The following MCEMP1 variants were observed in gnomAD, a reference collection of about 807,000 sequenced individuals.
MCEMP1 encodes the protein mast cell expressed membrane protein 1, also known as mast cell-expressed membrane protein 1.
A neutral mutation model predicts 27.9 loss-of-function variants in MCEMP1; 17 were observed. The observed-to-expected ratio is 0.61, with a 90% CI of 0.42 to 0.91. The LOEUF (loss-of-function observed/expected upper bound fraction) is 0.91, where lower values mean the gene tolerates loss of function less well. Among genes scored for constraint, MCEMP1 ranks in the 40% least tolerant of loss-of-function variants. The pLI, the probability that MCEMP1 is intolerant of heterozygous loss-of-function variation, is 0.00. For missense variants in MCEMP1, 200 were observed against 204.8 expected (o/e 0.98, Z 0.14); for synonymous variants, 88 against 76.9 (o/e 1.14, Z -0.76).
chr19:7,677,260 A>G lies in MCEMP1; in HGVS notation c.55+85A>G, dbSNP rs2032563456. ...TTTTGCTCATGTCTGTAATCCTAGC[A>G]CTTTGGGAGGCTGAGGCGGGAGGAT... On this transcript the variant is annotated intron_variant, in intron 1 of 6. Coordinates refer to ENST00000333598, the MANE Select transcript of MCEMP1 (RefSeq NM_174918.3). The surrounding 1 kb of genome is among the most constrained non-coding windows in gnomAD (Gnocchi z 4.6). 12 of 1,249,082 alleles carry G rather than the reference A, an allele frequency of 9.6e-6. No homozygotes were observed. The South Asian group carries it at 1.6e-4, about 16-fold the overall frequency. 77.4% of individuals were successfully genotyped at this position (1,249,082 alleles called of 1,614,324 possible). A position where few individuals can be genotyped will look rare whatever the true frequency, so the allele number is the denominator to read the frequency against.
At position 7,677,740 on chromosome 19, in the gene MCEMP1, C is replaced by T. The variant is rs374574273; in HGVS notation, c.145+14C>T. 8.2e-6 allele frequency: 13 copies of T among 1,584,394 alleles called. No individual in the cohort carries two copies. The African/African-American group carries it at 1.6e-4, about 20-fold the overall frequency. ...CCACGAGCCAAGGTGAGCAGACACCCACCTGCTCACATCCCATCACCTTGG... is the reference window on the plus strand; with the variant it reads ...CCACGAGCCAAGGTGAGCAGACACCTACCTGCTCACATCCCATCACCTTGG... On this transcript the variant is annotated intron_variant, in intron 2 of 6. Transcript: ENST00000333598. The surrounding 1 kb of genome is among the most constrained non-coding windows in gnomAD (Gnocchi z 4.6).
rs1265362925 is a variant in MCEMP1, at chr19:7,678,435, A to G, written c.334+35A>G. 4 of 1,613,964 alleles carry G rather than the reference A, an allele frequency of 2.5e-6. No individual in the cohort carries two copies. In the South Asian group the frequency reaches 3.3e-5, roughly 13 times the overall value. On this transcript the variant is annotated intron_variant, in intron 4 of 6. Coordinates refer to ENST00000333598, the MANE Select transcript of MCEMP1 (RefSeq NM_174918.3). The surrounding 1 kb of genome is among the most constrained non-coding windows in gnomAD (Gnocchi z 4.8). Reference sequence around the variant, plus strand: ...GGGTCTGAGGGAGACCCGTGGGGTCATGGTGGGGGTCTGGAGAGGGATGGA... The same window carrying G: ...GGGTCTGAGGGAGACCCGTGGGGTCGTGGTGGGGGTCTGGAGAGGGATGGA...
rs1456347636 is a variant in MCEMP1, at chr19:7,678,472, C to T, written c.335-19C>T. 1 of 1,613,660 alleles carries T rather than the reference C, an allele frequency of 6.2e-7. No individual in the cohort carries two copies. The highest frequency in any genetic ancestry group is 1.3e-5 in the African/African-American group (1 of 74,938). On this transcript the variant is annotated intron_variant, in intron 4 of 6. Transcript: ENST00000333598. The surrounding 1 kb of genome is among the most constrained non-coding windows in gnomAD (Gnocchi z 4.8). Reference sequence around the variant, plus strand: ...TGGAGAGGGATGGATGCACAGACACCCCTGTTTCATGCCCTCAGTCTCAAA... The same window carrying T: ...TGGAGAGGGATGGATGCACAGACACTCCTGTTTCATGCCCTCAGTCTCAAA...
In MCEMP1 at chr19:7,677,173, A is replaced by G; in HGVS notation, c.53A>G (p.Gln18Arg). The G allele has an allele frequency of 6.3e-7, 1 of 1,585,106 alleles. No individual in the cohort carries two copies. The highest frequency in any genetic ancestry group is 1.1e-5 in the South Asian group (1 of 87,104). The change falls in exon 1 of 7, where the codon CAA (glutamine) becomes CGA (arginine). Residue 18 changes from glutamine to arginine, a missense_variant and splice_region_variant. By Grantham distance (43) the Gln-to-Arg change is conservative. Transcript: ENST00000333598. This position sits in a 1 kb window ranked among gnomAD's most constrained non-coding sequence, Gnocchi z 4.6. Reference sequence around the variant, plus strand: ...AAACAGGGGGTCTCAGCCAAGAATCAAGGTTAGGGAACTCGAGGTGGAAGG... The same window carrying G: ...AAACAGGGGGTCTCAGCCAAGAATCGAGGTTAGGGAACTCGAGGTGGAAGG... ...DKKQGVSAKNQGAHDPDYENI... is the reference protein window; with the variant it reads ...DKKQGVSAKNRGAHDPDYENI...
At position 7,679,279 on chromosome 19, in the gene MCEMP1, C is replaced by CGT. The variant is rs2032594645; in HGVS notation, c.*174_*175dup. 1.2e-6 allele frequency: 1 copy of CGT among 858,118 alleles called. No individual in the cohort carries two copies. The highest frequency in any genetic ancestry group is 1.8e-6 in the Non-Finnish European group (1 of 561,298). The allele number at this position is 858,118 out of a possible 1,614,324, so 53.2% of individuals were successfully genotyped here. A position where few individuals can be genotyped will look rare whatever the true frequency, so the allele number is the denominator to read the frequency against. On this transcript the variant is annotated 3_prime_UTR_variant, in exon 7 of 7. Transcript: ENST00000333598. The surrounding 1 kb of genome is among the most constrained non-coding windows in gnomAD (Gnocchi z 4.9). The stretch of plus-strand genomic sequence containing the variant: ...GGTGAATGAGTGTCTCGGAGTTGCT[C>CGT]GTGTGTGTGTACACCTGCGTGCGTG...
chr19:7,679,181 G>A lies in MCEMP1; in HGVS notation c.*67G>A, dbSNP rs374656050. On this transcript the variant is annotated 3_prime_UTR_variant, in exon 7 of 7. Transcript: ENST00000333598. This position sits in a 1 kb window ranked among gnomAD's most constrained non-coding sequence, Gnocchi z 4.9. ...TGGGGCTGCACCTGCCAACGAAGACGGGAAATGACCCCCCCCCCCCAGCCT... is the reference window on the plus strand; with the variant it reads ...TGGGGCTGCACCTGCCAACGAAGACAGGAAATGACCCCCCCCCCCCAGCCT... 2,506 of 1,377,838 alleles carry A rather than the reference G, an allele frequency of 1.8e-3. 29 individuals are homozygous for A. The African/African-American group carries it at 0.047, about 26-fold the overall frequency. The allele number at this position is 1,377,838 out of a possible 1,614,324, so 85.4% of individuals were successfully genotyped here.
chr19:7,678,131 A>T lies in MCEMP1; in HGVS notation c.173A>T (p.Asp58Val), dbSNP rs368150819. The change falls in exon 3 of 7, where the codon GAC becomes GTC. Residue 58 changes from aspartate (D) to valine (V), a missense_variant. Coordinates refer to ENST00000333598, the MANE Select transcript of MCEMP1 (RefSeq NM_174918.3). This position sits in a 1 kb window ranked among gnomAD's most constrained non-coding sequence, Gnocchi z 4.8. The stretch of plus-strand genomic sequence containing the variant: ...CCAGCCCAGTGCAGGCCGCCCTCAG[A>T]CTCCACCCAGGTCCCCTGCTGGTTG... ...QVPAQCRPPS[D>V]STQVPCWLYR... is the part of the protein sequence containing the mutation. 2.5e-6 allele frequency: 4 copies of T among 1,611,028 alleles called. No individual in the cohort carries two copies. The African/African-American group carries it at 4.0e-5, about 16-fold the overall frequency.
In MCEMP1 at chr19:7,678,915, G is replaced by A. The variant is rs748542999; in HGVS notation, c.449-9G>A. The A allele has an allele frequency of 5.9e-5, 45 of 762,562 alleles. No homozygotes were observed. Among genetic ancestry groups the A allele is most frequent in the East Asian group, 2.4e-4 (6 of 24,498 alleles). 47.2% of individuals were successfully genotyped at this position (762,562 alleles called of 1,614,324 possible). A position where few individuals can be genotyped will look rare whatever the true frequency, so the allele number is the denominator to read the frequency against. Reference sequence around the variant, plus strand: ...TATCTGTTCCCACCCAACCCTCCCCGCCCCCTAGGCATAAAAAACATTGAC... The same window carrying A: ...TATCTGTTCCCACCCAACCCTCCCCACCCCCTAGGCATAAAAAACATTGAC... On this transcript the variant is annotated splice_polypyrimidine_tract_variant and intron_variant, in intron 5 of 6. Coordinates refer to ENST00000333598, the MANE Select transcript of MCEMP1 (RefSeq NM_174918.3). The surrounding 1 kb of genome is among the most constrained non-coding windows in gnomAD (Gnocchi z 4.8).
At position 7,679,204 on chromosome 19, in the gene MCEMP1, C is replaced by A. The variant is rs2032593124; in HGVS notation, c.*90C>A. The A allele has an allele frequency of 7.5e-7, 1 of 1,338,130 alleles. No homozygotes were observed. The highest frequency in any genetic ancestry group is 2.6e-5 in the Admixed American group (1 of 38,236). The allele number at this position is 1,338,130 out of a possible 1,614,324, so 82.9% of individuals were successfully genotyped here. On this transcript the variant is annotated 3_prime_UTR_variant, in exon 7 of 7. Coordinates refer to ENST00000333598, the MANE Select transcript of MCEMP1 (RefSeq NM_174918.3). This position sits in a 1 kb window ranked among gnomAD's most constrained non-coding sequence, Gnocchi z 4.9. ...ACGGGAAATGACCCCCCCCCCCCAGCCTAGTGTGAACCTGCCCCTCGTCCC... is the reference window on the plus strand; with the variant it reads ...ACGGGAAATGACCCCCCCCCCCCAGACTAGTGTGAACCTGCCCCTCGTCCC...
Position 7,678,893 on chromosome 19 carries a change from C to A in MCEMP1, c.449-31C>A. The A allele has an allele frequency of 6.6e-7, 1 of 1,506,406 alleles. No individual in the cohort carries two copies. Among genetic ancestry groups the A allele is most frequent in the Non-Finnish European group, 9.0e-7 (1 of 1,107,294 alleles). The allele number at this position is 1,506,406 out of a possible 1,614,324, so 93.3% of individuals were successfully genotyped here. Reference sequence around the variant, plus strand: ...GAGGCTCCACCGCAGCTTGACTTATCTGTTCCCACCCAACCCTCCCCGCCC... The same window carrying A: ...GAGGCTCCACCGCAGCTTGACTTATATGTTCCCACCCAACCCTCCCCGCCC... On this transcript the variant is annotated intron_variant, in intron 5 of 6. Coordinates refer to ENST00000333598, the MANE Select transcript of MCEMP1 (RefSeq NM_174918.3). This position sits in a 1 kb window ranked among gnomAD's most constrained non-coding sequence, Gnocchi z 4.8.
rs761915786 is a variant in MCEMP1, at chr19:7,679,004, G to A, written c.508+21G>A. 2 of 1,599,156 alleles carry A rather than the reference G, an allele frequency of 1.3e-6. No individual in the cohort carries two copies. Among genetic ancestry groups the A allele is most frequent in the Admixed American group, 1.7e-5 (1 of 57,992 alleles). On this transcript the variant is annotated intron_variant, in intron 6 of 6. Coordinates refer to ENST00000333598, the MANE Select transcript of MCEMP1 (RefSeq NM_174918.3). The surrounding 1 kb of genome is among the most constrained non-coding windows in gnomAD (Gnocchi z 4.9). ...GCCACGTAAGTTGGCGCCCCGACAGGAGGTGGAGGAGGGTGGGTGGGGCTT... is the reference window on the plus strand; with the variant it reads ...GCCACGTAAGTTGGCGCCCCGACAGAAGGTGGAGGAGGGTGGGTGGGGCTT...
In MCEMP1 at chr19:7,678,813, C is replaced by G; in HGVS notation, c.449-111C>G. The G allele has an allele frequency of 8.1e-7, 1 of 1,234,782 alleles. No homozygotes were observed. The highest frequency in any genetic ancestry group is 1.1e-6 in the Non-Finnish European group (1 of 879,978). 76.5% of individuals were successfully genotyped at this position (1,234,782 alleles called of 1,614,324 possible). On this transcript the variant is annotated intron_variant, in intron 5 of 6. Transcript: ENST00000333598. The surrounding 1 kb of genome is among the most constrained non-coding windows in gnomAD (Gnocchi z 4.8). ...CCAAATCCATGGGCTCTGCTGTACC[C>G]CAGGGTGGGTGTGGGGCAGGGGGGG...
In MCEMP1 at chr19:7,678,831, A is replaced by G. The variant is rs2076297427; in HGVS notation, c.449-93A>G. ...CTGTACCCCAGGGTGGGTGTGGGGC[A>G]GGGGGGGTGCTTCCAAGGAAGGTGG... is the stretch of plus-strand genomic sequence containing the variant. On this transcript the variant is annotated intron_variant, in intron 5 of 6. Coordinates refer to ENST00000333598, the MANE Select transcript of MCEMP1 (RefSeq NM_174918.3). The surrounding 1 kb of genome is among the most constrained non-coding windows in gnomAD (Gnocchi z 4.8). The G allele has an allele frequency of 4.6e-6, 6 of 1,305,108 alleles. No homozygotes were observed. The highest frequency in any genetic ancestry group is 4.3e-5 in the Admixed American group (2 of 47,006). 80.8% of individuals were successfully genotyped at this position (1,305,108 alleles called of 1,614,324 possible).
rs1207003394 is a variant in MCEMP1, at chr19:7,677,101, A to G, written c.-20A>G. On this transcript the variant is annotated 5_prime_UTR_variant, in exon 1 of 7. Coordinates refer to ENST00000333598, the MANE Select transcript of MCEMP1 (RefSeq NM_174918.3). This position sits in a 1 kb window ranked among gnomAD's most constrained non-coding sequence, Gnocchi z 4.6. ...GGGACCATGGAAGTGGAGGAAATCT[A>G]CAAGCACCAGGAAGTCAAGATGCAA... 6.3e-7 allele frequency: 1 copy of G among 1,599,004 alleles called. No homozygotes were observed. Among genetic ancestry groups the G allele is most frequent in the Non-Finnish European group, 8.5e-7 (1 of 1,172,348 alleles).
chr19:7,677,552 T>A lies in MCEMP1; in HGVS notation c.56-85T>A. 1 of 1,292,712 alleles carries A rather than the reference T, an allele frequency of 7.7e-7. No homozygotes were observed. The highest frequency in any genetic ancestry group is 1.1e-6 in the Non-Finnish European group (1 of 891,304). The allele number at this position is 1,292,712 out of a possible 1,614,324, so 80.1% of individuals were successfully genotyped here. On this transcript the variant is annotated intron_variant, in intron 1 of 6. Coordinates refer to ENST00000333598, the MANE Select transcript of MCEMP1 (RefSeq NM_174918.3). The surrounding 1 kb of genome is among the most constrained non-coding windows in gnomAD (Gnocchi z 4.6). ...CTTATCTTTCACCCCCTACAATTTA[T>A]TGAGTGCAAAGGGTTGGGTAAAACA...
In MCEMP1 at chr19:7,677,643, A is replaced by G. The variant is rs370923407; in HGVS notation, c.62A>G (p.His21Arg). 2.2e-5 allele frequency: 35 copies of G among 1,613,816 alleles called. No homozygotes were observed. Among genetic ancestry groups the G allele is most frequent in the Admixed American group, 5.0e-5 (3 of 60,028 alleles). ...QGVSAKNQGAHDPDYENITLA... is the reference protein window; with the variant it reads ...QGVSAKNQGARDPDYENITLA... ...GATCTCCAACCCCTCCCAGGTGCCCATGACCCAGACTATGAGAATATCACC... is the reference window on the plus strand; with the variant it reads ...GATCTCCAACCCCTCCCAGGTGCCCGTGACCCAGACTATGAGAATATCACC... Residue 21 changes from histidine (H) to arginine (R), a missense_variant, in exon 2 of 7, where the codon CAT becomes CGT. Coordinates refer to ENST00000333598, the MANE Select transcript of MCEMP1 (RefSeq NM_174918.3). This position sits in a 1 kb window ranked among gnomAD's most constrained non-coding sequence, Gnocchi z 4.6.
chr19:7,679,125 A>G lies in MCEMP1; in HGVS notation c.*11A>G. The G allele has an allele frequency of 1.3e-6, 2 of 1,593,576 alleles. No individual in the cohort carries two copies. Among genetic ancestry groups the G allele is most frequent in the Non-Finnish European group, 1.7e-6 (2 of 1,168,470 alleles). ...TCCTCACCTCAATAAATGAGAGGACATTGTGGCAGCCAAAGCCACAACTTG... is the reference window on the plus strand; with the variant it reads ...TCCTCACCTCAATAAATGAGAGGACGTTGTGGCAGCCAAAGCCACAACTTG... On this transcript the variant is annotated 3_prime_UTR_variant, in exon 7 of 7. Transcript: ENST00000333598. This position sits in a 1 kb window ranked among gnomAD's most constrained non-coding sequence, Gnocchi z 4.9.
Position 7,677,564 on chromosome 19 carries a change from G to C in MCEMP1, c.56-73G>C, listed in dbSNP as rs533779636. The C allele has an allele frequency of 1.2e-5, 16 of 1,384,430 alleles. No individual in the cohort carries two copies. Among genetic ancestry groups the C allele is most frequent in the East Asian group, 9.1e-5 (4 of 43,768 alleles). 85.8% of individuals were successfully genotyped at this position (1,384,430 alleles called of 1,614,324 possible). A position where few individuals can be genotyped will look rare whatever the true frequency, so the allele number is the denominator to read the frequency against. On this transcript the variant is annotated intron_variant, in intron 1 of 6. Transcript: ENST00000333598. The surrounding 1 kb of genome is among the most constrained non-coding windows in gnomAD (Gnocchi z 4.6). ...CCCCTACAATTTATTGAGTGCAAAG[G>C]GTTGGGTAAAACAAGATCCCGGATC...
Position 7,678,262 on chromosome 19 carries a change from GGGTGCTGGGGGGCC to G in MCEMP1, c.283+22_283+35del. On this transcript the variant is annotated intron_variant, in intron 3 of 6. Transcript: ENST00000333598. The surrounding 1 kb of genome is among the most constrained non-coding windows in gnomAD (Gnocchi z 4.8). ...GAAGAGTGAGTACTTCTTGGGAGGA[GGGTGCTGGGGGGCC>G]TAGACTTTCTCCCTTGTCCTTCTCT... 6.2e-7 allele frequency: 1 copy of G among 1,613,984 alleles called. No homozygotes were observed. The highest frequency in any genetic ancestry group is 2.2e-5 in the East Asian group (1 of 44,878).
Sources: allele counts gnomAD v4.1 joint callset, GRCh38; gene constraint gnomAD v4.1.1; non-coding constraint Gnocchi (gnomAD v3.1); transcripts MANE v1.5; gene names NCBI Gene and HGNC (gene_info 2026-07-23, HGNC 2026-07-21).